MND1: variants seen among roughly 807,000 people sequenced by gnomAD.
The protein encoded by MND1 is meiotic nuclear division protein 1 homolog.
Under a neutral mutation model 35.1 loss-of-function variants are expected in MND1, and 28 were observed. The observed-to-expected ratio is 0.80, with a 90% CI of 0.59 to 1.09. The LOEUF is 1.09. MND1 is among the 50% of genes least tolerant of loss of function. The pLI, the probability that MND1 is intolerant of heterozygous loss-of-function variation, is 0.00. For missense variants in MND1, 213 were observed against 239.6 expected (o/e 0.89, Z 0.73); for synonymous variants, 69 against 70.5 (o/e 0.98, Z 0.11).
chr4:153,356,357 C>T (rs143739812), intron 3 of MND1, among the ~76,000 whole-genome samples: 3,773 of 152,012 alleles, frequency 0.025, 65 homozygotes, highest in Non-Finnish European at 0.036. Flanking sequence ...AGATCAAGAC[C>T]ATCCTGCCTA....
intron 6 of MND1, among the ~76,000 whole-genome samples, chr4:153,400,091 A>T (rs1439314378): frequency 6.6e-6 from 1 of 151,468 alleles, no homozygotes; most frequent in Non-Finnish European, 1.5e-5. Flanking sequence ...TTTATTTTTT[A>T]TAGAGATGGT....
At chr4:153,399,894 T>G (rs1414517087) in intron 6 of MND1, among the ~76,000 whole-genome samples, 4 of 64,026 alleles carry the variant, frequency 6.2e-5, no homozygotes. Flanking sequence ...AGTGAGATTT[T>G]TTTTTTTTTT....
chr4:153,413,744 A>G (rs548464557), intron 7 of MND1, among the ~76,000 whole-genome samples: 36 of 150,906 alleles, frequency 2.4e-4, no homozygotes, highest in African/African-American at 8.5e-4. Flanking sequence ...CAGTGCAGCC[A>G]CTGTGAGCAC....
At chr4:153,346,646 G>T (rs915400015) in intron 1 of MND1, among the ~76,000 whole-genome samples, 3 of 152,150 alleles carry the variant, frequency 2.0e-5, no homozygotes, top group African/African-American at 4.8e-5. Flanking sequence ...GAATAAATCA[G>T]CCTGAAAACA....
chr4:153,363,875 G>T (rs1773559320), intron 4 of MND1, among the ~76,000 whole-genome samples: 1 of 152,128 alleles, frequency 6.6e-6, no homozygotes, highest in African/African-American at 2.4e-5. Context: ...TATTGTAATT[G>T]CATGGTTAAC....
At chr4:153,350,362 T>A (rs1335343942) in intron 2 of MND1, among the ~76,000 whole-genome samples, 1 of 152,176 alleles carries the variant, frequency 6.6e-6, no homozygotes, top group Non-Finnish European at 1.5e-5. Context: ...GGCACCAGAA[T>A]CTTCTGATGC....
intron 7 of MND1, among the ~76,000 whole-genome samples, chr4:153,409,430 G>A (rs1156410224): frequency 6.6e-6 from 1 of 151,222 alleles, no homozygotes; most frequent in African/African-American, 2.4e-5. Flanking sequence ...TTACTGTAAT[G>A]TCTGTGGTTC....
chr4:153,345,231 G>T (rs944640800), intron 1 of MND1: 2 of 647,480 alleles, frequency 3.1e-6, no homozygotes, highest in African/African-American at 3.9e-5. Flanking sequence ...CGAACGTCTT[G>T]ATCCCAAAGC....
At chr4:153,364,792 G>A (rs1183324413) in intron 4 of MND1, among the ~76,000 whole-genome samples, 1 of 152,160 alleles carries the variant, frequency 6.6e-6, no homozygotes, top group Non-Finnish European at 1.5e-5. Context: ...GCTCACTGCA[G>A]CCTCAAACTC....
chr4:153,357,434 C>G (rs187692999), intron 3 of MND1, among the ~76,000 whole-genome samples: 38 of 152,252 alleles, frequency 2.5e-4, no homozygotes, highest in African/African-American at 8.7e-4. Flanking sequence ...TTTGACTCCC[C>G]CAAAACTTAA....
chr4:153,365,233 G>C (rs1370251777), intron 4 of MND1, among the ~76,000 whole-genome samples: 1 of 152,218 alleles, frequency 6.6e-6, no homozygotes, highest in Non-Finnish European at 1.5e-5. Context: ...GGGGTTTCTA[G>C]ATTTTGTAGT....
intron 1 of MND1, among the ~76,000 whole-genome samples, chr4:153,348,490 T>C (rs1773128240): frequency 6.6e-6 from 1 of 152,044 alleles, no homozygotes; most frequent in African/African-American, 2.4e-5. Flanking sequence ...AAAGATAAGA[T>C]ATTAGGAGAT....
intron 6 of MND1, among the ~76,000 whole-genome samples, chr4:153,400,667 G>A (rs1285780696): frequency 6.6e-6 from 1 of 152,032 alleles, no homozygotes; most frequent in Non-Finnish European, 1.5e-5. Flanking sequence ...AGCTATGGTC[G>A]TGCCACTATA....
intron 4 of MND1, among the ~76,000 whole-genome samples, chr4:153,370,677 G>A (rs569730275): frequency 2.0e-5 from 3 of 151,940 alleles, no homozygotes; most frequent in Non-Finnish European, 2.9e-5. Context: ...GCACCATCAC[G>A]CCTGGCTAAC....
rs1168787054 is a variant in MND1 at position 153,403,132 on chromosome 4, C to CA, written c.466+5799_466+5800insA. Among the ~76,000 whole-genome samples, 17 of 150,560 alleles carry CA rather than the reference C, an allele frequency of 1.1e-4. No individual in the cohort carries two copies. The East Asian group carries it at 2.3e-3, about 21-fold the overall frequency. On this transcript the variant is annotated intron_variant, in intron 6 of 7. Coordinates refer to ENST00000240488, the MANE Select transcript of MND1 (RefSeq NM_032117.4). The stretch of plus-strand genomic sequence containing the variant: ...GCTTGGGTGACAGAGTGAGAACCTT[C>CA]TAAAAAAAAAAGGAGAAACTAAATG...
At chr4:153,409,925 C>G (rs899967346) in intron 7 of MND1, among the ~76,000 whole-genome samples, 2 of 152,072 alleles carry the variant, frequency 1.3e-5, no homozygotes, top group Non-Finnish European at 2.9e-5. Context: ...AAATAAGATA[C>G]GAATCCAAGG....
intron 4 of MND1, among the ~76,000 whole-genome samples, chr4:153,383,650 A>C (rs1279853795): frequency 6.6e-6 from 1 of 152,186 alleles, no homozygotes; most frequent in Non-Finnish European, 1.5e-5. Flanking sequence ...TGCCCTCCCT[A>C]GCAGACTTCT....
At chr4:153,381,516 A>G (rs1318842169) in intron 4 of MND1, among the ~76,000 whole-genome samples, 1 of 150,376 alleles carries the variant, frequency 6.6e-6, no homozygotes, top group Admixed American at 6.7e-5. Flanking sequence ...AGAGTGTCAA[A>G]GTTATATATA....
intron 7 of MND1, among the ~76,000 whole-genome samples, chr4:153,410,859 C>T (rs1426873609): frequency 2.6e-5 from 4 of 151,968 alleles, no homozygotes; most frequent in Admixed American, 6.6e-5. Context: ...GGCATGGTGG[C>T]GCACACCTGT....
Sources: gnomAD v4.1 joint callset for allele counts (sites outside exome capture counted in the v4.1 genomes callset) on GRCh38, gnomAD v4.1.1 for gene constraint, MANE v1.5 for transcripts, NCBI Gene and HGNC (gene_info 2026-07-23, HGNC 2026-07-21) for gene names.